Variants in GRIPAP1 observed in about 807,000 individuals in gnomAD.
The protein encoded by GRIPAP1 is GRIP1-associated protein 1.
GRIPAP1 carries 14 observed loss-of-function variants against 84.1 expected under a neutral mutation model. That is an observed-to-expected ratio of 0.17 (90% CI 0.11 to 0.26). The LOEUF is 0.26. Among genes scored for constraint, GRIPAP1 ranks in the 10% least tolerant of loss-of-function variants. GRIPAP1 has a pLI of 1.00. For synonymous variants in GRIPAP1, 261 were observed against 256.8 expected (o/e 1.02, Z -0.15); for missense variants, 518 against 674.2 (o/e 0.77, Z 2.57).
chrX:48,988,178 A>G lies in GRIPAP1; in HGVS notation c.891T>C (p.Asp297=). The G allele has an allele frequency of 8.4e-7, 1 of 1,196,842 alleles. No individual in the cohort carries two copies. The highest frequency in any genetic ancestry group is 1.1e-6 in the Non-Finnish European group (1 of 887,925). ...GTTCCAGGCGCTCCCCCTGCCGCTGATCTCTCAGCTCTGCCAAGCTCTGTG... is the reference window on the plus strand; with the variant it reads ...GTTCCAGGCGCTCCCCCTGCCGCTGGTCTCTCAGCTCTGCCAAGCTCTGTG... ...AANQSLAELR[D]QRQGERLEHA... The change falls in exon 12 of 26, where the codon GAT becomes GAC. Residue 297 remains aspartate, a synonymous_variant. Transcript: ENST00000376423.
At position 48,981,702 on chromosome X, in the gene GRIPAP1, G is replaced by C. The variant is rs782042252; in HGVS notation, c.1678-11C>G. ...CTCCTCCTCCTTGCCCTGCAAAGCA[G>C]AAAGCAGCTTAGGCATTGGCTTGGG... On this transcript the variant is annotated splice_polypyrimidine_tract_variant and intron_variant, in intron 18 of 25. Transcript: ENST00000376423. The C allele has an allele frequency of 9.2e-6, 11 of 1,194,530 alleles. No individual in the cohort carries two copies. Among genetic ancestry groups the C allele is most frequent in the Non-Finnish European group, 1.2e-5 (11 of 880,680 alleles).
At chrX:48,997,529 A>T in intron 4 of GRIPAP1, 172 bp from the exon 5 acceptor site, 2 of 433,040 alleles carry the variant, frequency 4.6e-6, no homozygotes, top group Non-Finnish European at 8.2e-6. Context: ...AGAGACAGGG[A>T]AAGGAAGATA....
chrX:48,985,800 C>T (rs2064483642), intron 13 of GRIPAP1, among the ~76,000 whole-genome samples: 1 of 109,178 alleles, frequency 9.2e-6, no homozygotes, highest in Non-Finnish European at 1.9e-5. Flanking sequence ...TTCTGGGGTA[C>T]TAAAAGTGCT....
chrX:48,983,707 TC>T, intron 15 of GRIPAP1, 67 bp downstream of exon 15: 1 of 678,535 alleles, frequency 1.5e-6, no homozygotes, highest in East Asian at 3.2e-5. Context: ...TATCACCTCC[TC>T]CCATCCCCAT....
At chrX:48,993,656 T>C in intron 5 of GRIPAP1, 78 bp from the exon 6 acceptor site, 2 of 773,489 alleles carry the variant, frequency 2.6e-6, no homozygotes, top group African/African-American at 2.2e-5. Flanking sequence ...CATTTGTCCA[T>C]GTACTTTACA....
intron 6 of GRIPAP1, among the ~76,000 whole-genome samples, chrX:48,992,081 C>T (rs1297163934): frequency 9.0e-6 from 1 of 110,657 alleles, no homozygotes; most frequent in East Asian, 2.9e-4. Flanking sequence ...TCTCGGCTCA[C>T]TGCAACCTCT....
chrX:48,983,566 G>A (rs2064470093), intron 15 of GRIPAP1, 126 bp from the exon 16 acceptor site: 1 of 567,838 alleles, frequency 1.8e-6, no homozygotes, highest in Non-Finnish European at 2.9e-6. Context: ...ACTGGCTAAG[G>A]CACTCACCCA....
chrX:48,975,975 T>C, intron 24 of GRIPAP1, 43 bp downstream of exon 24: 1 of 1,080,021 alleles, frequency 9.3e-7, no homozygotes, highest in Non-Finnish European at 1.3e-6. Context: ...GAGGGCCAGG[T>C]GAAGGCTGGA....
chrX:48,984,797 CAGATCACGAGGTCAGG>C (rs1332626355), intron 14 of GRIPAP1, among the ~76,000 whole-genome samples: 2 of 100,853 alleles, frequency 2.0e-5, no homozygotes, highest in Non-Finnish European at 3.9e-5. Context: ...CCGAGGCGGG[CAGATCACGAGGTCAGG>C]AGATCGAAAC....
intron 23 of GRIPAP1, 65 bp from the exon 24 acceptor site, chrX:48,976,176 G>A (rs782658798): frequency 1.1e-5 from 13 of 1,189,032 alleles, no homozygotes; most frequent in East Asian, 6.1e-5. Flanking sequence ...AGGCGGGCCC[G>A]GGCAGACCCC....
intron 1 of GRIPAP1, 120 bp from the exon 2 acceptor site, chrX:48,999,624 T>G: frequency 2.0e-6 from 1 of 495,909 alleles, no homozygotes; most frequent in South Asian, 3.0e-5. Context: ...CTGTAGCTAC[T>G]CCTTAAGACC....
At chrX:48,990,857 G>A (rs1424451201) in intron 7 of GRIPAP1, 69 bp downstream of exon 7, 2 of 1,027,959 alleles carry the variant, frequency 1.9e-6, no homozygotes, top group African/African-American at 3.7e-5. Context: ...CATCTCCGTG[G>A]GACTATAGAC....
intron 3 of GRIPAP1, 61 bp from the exon 4 acceptor site, chrX:48,998,241 A>G: frequency 1.2e-6 from 1 of 842,216 alleles, no homozygotes; most frequent in Non-Finnish European, 1.7e-6. Flanking sequence ...CCTTACTAGG[A>G]TATGGAGACA....
chrX:48,987,146 C>CA (rs1481068722), intron 13 of GRIPAP1, among the ~76,000 whole-genome samples: 1 of 72,559 alleles, frequency 1.4e-5, no homozygotes, highest in Non-Finnish European at 2.6e-5. Context: ...CCATGCCCGG[C>CA]TTTTTTTTTT....
In GRIPAP1 at chrX:48,974,255, G is replaced by A. The variant is rs868988759; in HGVS notation, c.2464C>T (p.Arg822Trp). 1 of 1,205,187 alleles carries A rather than the reference G, an allele frequency of 8.3e-7. No homozygotes were observed. The highest frequency in any genetic ancestry group is 1.1e-6 in the Non-Finnish European group (1 of 889,950). ...DMEVLSQEIV[R>W]LSKECVGPPD... is the part of the protein sequence containing the mutation. ...GGCCCCACGCACTCCTTGCTGAGCC[G>A]CACAATTTCCTGGGACAGAACTTCC... The change falls in exon 26 of 26, where the codon CGG becomes TGG. Residue 822 changes from arginine (R) to tryptophan (W), a missense_variant. Transcript: ENST00000376423.
At chrX:48,976,459 G>A in intron 22 of GRIPAP1, 96 bp from the exon 23 acceptor site, 10 of 1,018,343 alleles carry the variant, frequency 9.8e-6, no homozygotes, top group Non-Finnish European at 1.3e-5. Flanking sequence ...GGCCAGAGGT[G>A]GGTGAGAGAA....
chrX:48,990,697 C>T lies in GRIPAP1; in HGVS notation c.678G>A (p.Glu226=). Residue 226 remains glutamate, a synonymous_variant, in exon 8 of 26, where the codon GAG becomes GAA. Coordinates refer to ENST00000376423, the MANE Select transcript of GRIPAP1 (RefSeq NM_020137.5). The part of the protein sequence containing the change: ...SKQAETSRLQ[E]ELAKLSEKLK... ...CAAGCAGCCGCACCTTAGCAAGTTC[C>T]TCCTGCAGCCTGGATGTTTCGGCCT... 8.3e-7 allele frequency: 1 copy of T among 1,201,344 alleles called. No individual in the cohort carries two copies. The highest frequency in any genetic ancestry group is 1.1e-6 in the Non-Finnish European group (1 of 888,988).
chrX:49,000,420 G>A (rs1164514765), intron 1 of GRIPAP1: 1 of 100,674 alleles, frequency 9.9e-6, no homozygotes, highest in Non-Finnish European at 2.0e-5. Flanking sequence ...GCCAGGCGCA[G>A]TGGCTGACAC....
At chrX:48,987,962 C>T in intron 12 of GRIPAP1, 85 bp from the exon 13 acceptor site, 1 of 348,958 alleles carries the variant, frequency 2.9e-6, no homozygotes, top group South Asian at 5.0e-5. Flanking sequence ...AGGACACACA[C>T]ACACACACAC....
Sources: gnomAD v4.1 joint callset for allele counts (sites outside exome capture counted in the v4.1 genomes callset) on GRCh38, gnomAD v4.1.1 for gene constraint, MANE v1.5 for transcripts, NCBI Gene and HGNC (gene_info 2026-07-23, HGNC 2026-07-21) for gene names.